The following THSD7B variants were observed in gnomAD, a reference collection of about 807,000 sequenced individuals.
The protein encoded by THSD7B is thrombospondin type 1 domain containing 7B, also known as thrombospondin type-1 domain-containing protein 7B.
A neutral mutation model predicts 213.6 loss-of-function variants in THSD7B; 138 were observed. That is an observed-to-expected ratio of 0.65 (90% CI 0.56 to 0.74). The LOEUF is 0.74. Among genes scored for constraint, THSD7B ranks in the 30% least tolerant of loss-of-function variants. THSD7B has a pLI of 0.00. For missense variants in THSD7B, 1,931 were observed against 1,991.5 expected, an observed-to-expected ratio of 0.97 and a Z score of 0.58; for synonymous variants, 742 against 687.0, an observed-to-expected ratio of 1.08 and a Z score of -1.25.
At chr2:137,489,602 T>A (rs548906671) in intron 15 of THSD7B, among the ~76,000 whole-genome samples, 68 of 152,272 alleles carry the variant, frequency 4.5e-4, no homozygotes, top group Admixed American at 9.8e-4. Context: ...TAGTTGCAAG[T>A]TTCTTACAGT....
intron 15 of THSD7B, among the ~76,000 whole-genome samples, chr2:137,536,940 C>T (rs748763338): frequency 6.6e-6 from 1 of 151,772 alleles, no homozygotes; most frequent in Admixed American, 6.6e-5. Context: ...TTACCCAGCA[C>T]ATATTTTCTG....
At position 137,020,447 on chromosome 2, in the gene THSD7B, G is replaced by C. The variant is rs187224319; in HGVS notation, c.140-35973G>C. Among the ~76,000 whole-genome samples, 626 of 152,288 alleles carry C rather than the reference G, an allele frequency of 4.1e-3. 4 individuals are homozygous for C. Among genetic ancestry groups the C allele is most frequent in the African/African-American group, 0.014 (569 of 41,572 alleles). The stretch of plus-strand genomic sequence containing the variant: ...GATTGTGCTTATTTTCTCCTAGCCT[G>C]ATCTGATTGCGGTTCATTTAAAAGG... On this transcript the variant is annotated intron_variant, in intron 2 of 27. Transcript: ENST00000409968.
At position 136,934,243 on chromosome 2, in the gene THSD7B, C is replaced by T. The variant is rs1418608296; in HGVS notation, c.139+51926C>T. Among the ~76,000 whole-genome samples, 4 of 152,028 alleles carry T rather than the reference C, an allele frequency of 2.6e-5. No homozygotes were observed. In the East Asian group the frequency reaches 7.7e-4, roughly 29 times the overall value. On this transcript the variant is annotated intron_variant, in intron 2 of 27. Coordinates refer to ENST00000409968, the MANE Select transcript of THSD7B (RefSeq NM_001316349.2). The stretch of plus-strand genomic sequence containing the variant: ...AAAATAGGTAATCAATAATTGTTTT[C>T]TAGTCATAGAGAAATTCATTAACTT...
chr2:137,399,648 C>T (rs747999839), intron 12 of THSD7B, among the ~76,000 whole-genome samples: 1 of 152,134 alleles, frequency 6.6e-6, no homozygotes, highest in Admixed American at 6.5e-5. Context: ...TGACTTTAGA[C>T]AGTCTGATGA....
chr2:137,595,741 G>C (rs1681945736), intron 17 of THSD7B, among the ~76,000 whole-genome samples: 1 of 151,692 alleles, frequency 6.6e-6, no homozygotes, highest in African/African-American at 2.4e-5. Context: ...CATTCCACAT[G>C]AATCAATAAA....
chr2:137,300,524 C>T (rs553143666), intron 12 of THSD7B, among the ~76,000 whole-genome samples: 1 of 152,074 alleles, frequency 6.6e-6, no homozygotes, highest in African/African-American at 2.4e-5. Flanking sequence ...AACTGTTGTG[C>T]ATTAATACAT....
intron 6 of THSD7B, 50 bp downstream of exon 6, chr2:137,160,418 T>A: frequency 2.5e-6 from 4 of 1,589,928 alleles, no homozygotes; most frequent in Non-Finnish European, 3.4e-6. Flanking sequence ...GTACAAACAT[T>A]TATTCTGGTA....
chr2:137,255,729 G>A (rs1682290691), intron 10 of THSD7B, among the ~76,000 whole-genome samples: 1 of 152,066 alleles, frequency 6.6e-6, no homozygotes, highest in South Asian at 2.1e-4. Context: ...CACTTTTTTA[G>A]AAACAGGGTC....
At chr2:136,877,691 G>C (rs1482319483) in intron 1 of THSD7B, among the ~76,000 whole-genome samples, 6 of 152,028 alleles carry the variant, frequency 3.9e-5, no homozygotes. Flanking sequence ...AATGCCACGA[G>C]ACTCCACTAC....
At chr2:136,867,236 A>G (rs1683348459) in intron 1 of THSD7B, among the ~76,000 whole-genome samples, 1 of 152,184 alleles carries the variant, frequency 6.6e-6, no homozygotes, top group Non-Finnish European at 1.5e-5. Context: ...GCCAAGAATA[A>G]AATCACAGAC....
chr2:137,637,340 C>T (rs1165269011), intron 20 of THSD7B, among the ~76,000 whole-genome samples: 1 of 152,044 alleles, frequency 6.6e-6, no homozygotes, highest in East Asian at 1.9e-4. Context: ...TCTAAACATC[C>T]CTGACTTAAA....
chr2:137,033,361 G>A (rs1686711230), intron 2 of THSD7B, among the ~76,000 whole-genome samples: 1 of 152,216 alleles, frequency 6.6e-6, no homozygotes, highest in Admixed American at 6.5e-5. Context: ...GGTTCAGGTG[G>A]CAGTAGCAAG....
chr2:137,646,522 C>T (rs1205469289), intron 21 of THSD7B, among the ~76,000 whole-genome samples: 2 of 148,800 alleles, frequency 1.3e-5, no homozygotes, highest in South Asian at 2.1e-4. Flanking sequence ...TGTGGTCGCA[C>T]GTGCCTGTAA....
intron 12 of THSD7B, among the ~76,000 whole-genome samples, chr2:137,279,288 C>T (rs1682942091): frequency 6.6e-6 from 1 of 152,040 alleles, no homozygotes; most frequent in Non-Finnish European, 1.5e-5. Flanking sequence ...GTAATCTCAG[C>T]ACTTTGGAAG....
intron 3 of THSD7B, 147 bp downstream of exon 3, chr2:137,057,377 A>G: frequency 1.2e-6 from 1 of 822,324 alleles, no homozygotes; most frequent in Non-Finnish European, 1.9e-6. Context: ...AGAAATTTTT[A>G]ATTTCACTGG....
At chr2:137,024,525 A>T (rs911863225) in intron 2 of THSD7B, among the ~76,000 whole-genome samples, 1 of 152,162 alleles carries the variant, frequency 6.6e-6, no homozygotes, top group Admixed American at 6.6e-5. Context: ...TTGATTTCAA[A>T]TTGAAGAGGA....
chr2:137,251,257 C>T (rs1249644621), intron 10 of THSD7B, among the ~76,000 whole-genome samples: 1 of 152,140 alleles, frequency 6.6e-6, no homozygotes, highest in African/African-American at 2.4e-5. Context: ...ACGACGTTGG[C>T]CACAGAGTGT....
intron 2 of THSD7B, among the ~76,000 whole-genome samples, chr2:136,991,515 G>A (rs1297727927): frequency 1.3e-5 from 2 of 152,076 alleles, no homozygotes; most frequent in Non-Finnish European, 2.9e-5. Context: ...TGGAGAGGGG[G>A]ACATCTTCTC....
chr2:137,645,889 C>T (rs76545906), intron 21 of THSD7B, among the ~76,000 whole-genome samples: 3,705 of 152,170 alleles, frequency 0.024, 153 homozygotes, highest in African/African-American at 0.084. Flanking sequence ...GCCCTCCCTT[C>T]CCTGGAGTAA....
Sources: gnomAD v4.1 joint callset for allele counts (sites outside exome capture counted in the v4.1 genomes callset) on GRCh38, gnomAD v4.1.1 for gene constraint, MANE v1.5 for transcripts, NCBI Gene and HGNC (gene_info 2026-07-23, HGNC 2026-07-21) for gene names.